The following GXYLT2 variants were observed in gnomAD, a reference collection of about 807,000 sequenced individuals.
The protein encoded by GXYLT2 is glycosyltransferase 8 domain containing 4.
A neutral mutation model predicts 45.8 loss-of-function variants in GXYLT2; 53 were observed. That is an observed-to-expected ratio of 1.16 (90% confidence interval 0.93 to 1.46). The LOEUF (loss-of-function observed/expected upper bound fraction) is 1.46, where lower values mean the gene tolerates loss of function less well. GXYLT2 is among the 40% of genes most tolerant of loss of function. The probability of loss-of-function intolerance (pLI) is 0.00; values close to 1 mark genes in which losing one functional copy is unlikely to be tolerated. For missense variants in GXYLT2, 551 were observed against 544.4 expected, an observed-to-expected ratio of 1.01 and a Z score of -0.12; for synonymous variants, 219 against 214.2, an observed-to-expected ratio of 1.02 and a Z score of -0.19.
At chr3:72,907,841 G>C (rs991159905) in intron 1 of GXYLT2, among the ~76,000 whole-genome samples, 1 of 152,056 alleles carries the variant, frequency 6.6e-6, no homozygotes, top group Non-Finnish European at 1.5e-5. Context: ...TGTTTTCTTT[G>C]CTCACCTCCC....
At chr3:72,915,354 T>TTTGGGG (rs71126805) in intron 2 of GXYLT2, among the ~76,000 whole-genome samples, 6 of 33,482 alleles carry the variant, frequency 1.8e-4, no homozygotes, top group Admixed American at 4.0e-4. Context: ...TTTTTTTTTT[T>TTTGGGG]GCGGGGGGGG....
At chr3:72,915,233 GT>G (rs369269979) in intron 2 of GXYLT2, among the ~76,000 whole-genome samples, 3 of 147,758 alleles carry the variant, frequency 2.0e-5, no homozygotes, top group Non-Finnish European at 4.5e-5. Context: ...GTGAGGAGTT[GT>G]TTTTTTTCCT....
At chr3:72,924,818 G>A (rs1709890236) in intron 3 of GXYLT2, among the ~76,000 whole-genome samples, 2 of 152,038 alleles carry the variant, frequency 1.3e-5, no homozygotes, top group Non-Finnish European at 2.9e-5. Context: ...GAAATTGCCA[G>A]TATTCAACCA....
At chr3:72,890,448 T>A (rs1053458872) in intron 1 of GXYLT2, among the ~76,000 whole-genome samples, 1 of 152,200 alleles carries the variant, frequency 6.6e-6, no homozygotes, top group African/African-American at 2.4e-5. Flanking sequence ...TCCCCACTTT[T>A]CAGATGAGGA....
intron 1 of GXYLT2, among the ~76,000 whole-genome samples, chr3:72,900,107 A>G (rs574132265): frequency 6.6e-6 from 1 of 152,330 alleles, no homozygotes; most frequent in South Asian, 2.1e-4. Context: ...CCAATTACTC[A>G]CTTTAATAAT....
chr3:72,933,209 C>T (rs1710076328), intron 3 of GXYLT2, among the ~76,000 whole-genome samples: 1 of 152,134 alleles, frequency 6.6e-6, no homozygotes, highest in African/African-American at 2.4e-5. Context: ...ATAGCAACAT[C>T]ATTTTTTTTG....
intron 1 of GXYLT2, among the ~76,000 whole-genome samples, chr3:72,906,860 T>A (rs887070985): frequency 6.6e-6 from 1 of 152,164 alleles, no homozygotes; most frequent in Non-Finnish European, 1.5e-5. Context: ...TTGTGAGAGA[T>A]ACAAGTAGGA....
At chr3:72,948,999 G>A (rs1373204685) in intron 3 of GXYLT2, among the ~76,000 whole-genome samples, 1 of 152,106 alleles carries the variant, frequency 6.6e-6, no homozygotes, top group Non-Finnish European at 1.5e-5. Context: ...GGAGAGAAAT[G>A]GACAGACTCA....
Position 72,908,578 on chromosome 3 carries a change from T to C in GXYLT2, c.468+19T>C. On this transcript the variant is annotated intron_variant, in intron 2 of 6. Transcript: ENST00000389617. Reference sequence around the variant, plus strand: ...TAAGCAGGTGAATTTGCAGAAATCATGGCACAGTGTTTACTAAGTACAAAC... The same window carrying C: ...TAAGCAGGTGAATTTGCAGAAATCACGGCACAGTGTTTACTAAGTACAAAC... 6.3e-7 allele frequency: 1 copy of C among 1,583,054 alleles called. No individual in the cohort carries two copies. The highest frequency in any genetic ancestry group is 8.6e-7 in the Non-Finnish European group (1 of 1,162,258).
chr3:72,961,674 A>AAAAAAAAG (rs1278781750), intron 5 of GXYLT2, among the ~76,000 whole-genome samples: 1,795 of 118,866 alleles, frequency 0.015, 64 homozygotes, highest in Non-Finnish European at 0.018. Context: ...AAAAAAAAAA[A>AAAAAAAAG]AGAGAGAGAG....
intron 3 of GXYLT2, among the ~76,000 whole-genome samples, chr3:72,931,370 C>T (rs142617591): frequency 0.023 from 3,545 of 151,922 alleles, 138 homozygotes; most frequent in African/African-American, 0.081. Context: ...GCTGGGACTA[C>T]AGGTGCCCGT....
intron 1 of GXYLT2, among the ~76,000 whole-genome samples, chr3:72,906,987 A>G (rs574400982): frequency 6.6e-5 from 10 of 152,174 alleles, no homozygotes; most frequent in Non-Finnish European, 1.5e-4. Flanking sequence ...CCTGGCACCA[A>G]CCAGGAGAAA....
chr3:72,942,794 G>T (rs1710325676), intron 3 of GXYLT2, among the ~76,000 whole-genome samples: 1 of 152,048 alleles, frequency 6.6e-6, no homozygotes, highest in Non-Finnish European at 1.5e-5. Context: ...GTTACAGATT[G>T]GAGGAGACTA....
chr3:72,955,624 A>G (rs988186195), intron 4 of GXYLT2, among the ~76,000 whole-genome samples: 3 of 152,200 alleles, frequency 2.0e-5, no homozygotes, highest in African/African-American at 4.8e-5. Context: ...TTCATACCCA[A>G]TGCTTCAAAG....
intron 3 of GXYLT2, among the ~76,000 whole-genome samples, chr3:72,949,404 T>G (rs1710472038): frequency 6.6e-6 from 1 of 152,054 alleles, no homozygotes; most frequent in African/African-American, 2.4e-5. Context: ...TGTGCTTCTG[T>G]GCTAACCTTC....
intron 5 of GXYLT2, among the ~76,000 whole-genome samples, chr3:72,964,661 A>G (rs972412214): frequency 6.6e-6 from 1 of 152,228 alleles, no homozygotes; most frequent in Non-Finnish European, 1.5e-5. Context: ...CTACTTGGAA[A>G]GAGGCAAAAA....
chr3:72,935,369 T>G (rs1710156483), intron 3 of GXYLT2, among the ~76,000 whole-genome samples: 1 of 152,128 alleles, frequency 6.6e-6, no homozygotes, highest in South Asian at 2.1e-4. Flanking sequence ...ATCAGAAACT[T>G]AGAGGACTGG....
At chr3:72,954,614 C>G (rs189857481) in intron 3 of GXYLT2, among the ~76,000 whole-genome samples, 2 of 146,546 alleles carry the variant, frequency 1.4e-5, no homozygotes, top group Non-Finnish European at 3.0e-5. Flanking sequence ...CCAGCCTGGG[C>G]GACAGAGTGA....
chr3:72,948,569 T>C (rs1710455694), intron 3 of GXYLT2, among the ~76,000 whole-genome samples: 1 of 152,188 alleles, frequency 6.6e-6, no homozygotes, highest in South Asian at 2.1e-4. Flanking sequence ...CCAGGCGCAG[T>C]GGCTCACGCC....
Sources: gnomAD v4.1 joint callset for allele counts (sites outside exome capture counted in the v4.1 genomes callset) on GRCh38, gnomAD v4.1.1 for gene constraint, MANE v1.5 for transcripts, NCBI Gene and HGNC (gene_info 2026-07-23, HGNC 2026-07-21) for gene names.